SYNJ2BP: variants seen among roughly 807,000 people sequenced by gnomAD.
The protein encoded by SYNJ2BP is synaptojanin-2-binding protein.
SYNJ2BP carries 10 observed loss-of-function variants against 16.9 expected under a neutral mutation model. That is an observed-to-expected ratio of 0.59 (90% CI 0.36 to 1.00). The LOEUF (loss-of-function observed/expected upper bound fraction) is 1.00, where lower values mean the gene tolerates loss of function less well. Ranked by LOEUF, SYNJ2BP falls within the 50% of genes least tolerant of loss-of-function variation. The pLI is 0.01. For missense variants in SYNJ2BP, 162 were observed against 186.7 expected (o/e 0.87, Z 0.77); for synonymous variants, 54 against 68.4 (o/e 0.79, Z 1.04).
At chr14:70,412,697 C>A (rs554919399) in intron 1 of SYNJ2BP, among the ~76,000 whole-genome samples, 1 of 151,514 alleles carries the variant, frequency 6.6e-6, no homozygotes, top group South Asian at 2.1e-4. Context: ...GCCATCAACC[C>A]ATCATCTTTT....
chr14:70,376,339 T>A (rs1174455631), intron 2 of SYNJ2BP, among the ~76,000 whole-genome samples: 2 of 152,270 alleles, frequency 1.3e-5, no homozygotes, highest in African/African-American at 4.8e-5. Context: ...AGTCATTTTT[T>A]AATCAAAACT....
intron 1 of SYNJ2BP, among the ~76,000 whole-genome samples, chr14:70,411,661 C>T (rs80026155): frequency 0.032 from 4,799 of 152,286 alleles, 106 homozygotes; most frequent in Middle Eastern, 0.075. Flanking sequence ...TGACTCTGGC[C>T]CTAGCCTAAA....
At chr14:70,410,981 A>G (rs987404730) in intron 1 of SYNJ2BP, among the ~76,000 whole-genome samples, 7 of 152,162 alleles carry the variant, frequency 4.6e-5, no homozygotes, top group Admixed American at 4.6e-4. Flanking sequence ...TAACAAACCT[A>G]TACATGTACC....
chr14:70,416,317 CTTTTT>C (rs34083947), intron 1 of SYNJ2BP, among the ~76,000 whole-genome samples: 10 of 140,844 alleles, frequency 7.1e-5, no homozygotes, highest in African/African-American at 2.3e-4. Context: ...TTTTTATTTT[CTTTTT>C]TTTTTTTTTT....
intron 2 of SYNJ2BP, among the ~76,000 whole-genome samples, chr14:70,378,002 C>T (rs571660426): frequency 2.0e-4 from 31 of 152,332 alleles, no homozygotes; most frequent in African/African-American, 7.2e-4. Context: ...CTAAAGGTCA[C>T]CAATAACTTC....
intron 1 of SYNJ2BP, among the ~76,000 whole-genome samples, chr14:70,408,173 A>G (rs1459909942): frequency 6.6e-6 from 1 of 151,954 alleles, no homozygotes; most frequent in Non-Finnish European, 1.5e-5. Context: ...TAAGGCATAA[A>G]AGGAGGGAAA....
chr14:70,408,610 T>A (rs1469133263), intron 1 of SYNJ2BP, among the ~76,000 whole-genome samples: 1 of 150,098 alleles, frequency 6.7e-6, no homozygotes, highest in East Asian at 2.0e-4. Context: ...GAGGCAGAGG[T>A]TGCAGTGTGC....
chr14:70,398,896 C>T (rs1054442931), intron 1 of SYNJ2BP, among the ~76,000 whole-genome samples: 6 of 152,142 alleles, frequency 3.9e-5, no homozygotes, highest in African/African-American at 9.7e-5. Context: ...GACTCACTGT[C>T]GCTTGGCTCA....
At chr14:70,413,861 G>A (rs1429722304) in intron 1 of SYNJ2BP, among the ~76,000 whole-genome samples, 2 of 152,144 alleles carry the variant, frequency 1.3e-5, no homozygotes, top group Non-Finnish European at 2.9e-5. Flanking sequence ...AGGGGGAATG[G>A]TACACATGTT....
At chr14:70,394,570 T>C (rs1477415197) in intron 1 of SYNJ2BP, among the ~76,000 whole-genome samples, 1 of 152,048 alleles carries the variant, frequency 6.6e-6, no homozygotes, top group African/African-American at 2.4e-5. Context: ...GGGTGTCTAT[T>C]TTGCAGTCTA....
chr14:70,397,060 C>T (rs1888114928), intron 1 of SYNJ2BP, among the ~76,000 whole-genome samples: 1 of 152,108 alleles, frequency 6.6e-6, no homozygotes, highest in South Asian at 2.1e-4. Flanking sequence ...ATAGCCAAAT[C>T]GAAGGTATTG....
chr14:70,416,656 A>G (rs1888616944), intron 1 of SYNJ2BP, among the ~76,000 whole-genome samples: 1 of 152,230 alleles, frequency 6.6e-6, no homozygotes, highest in African/African-American at 2.4e-5. Flanking sequence ...TTGCACAAAG[A>G]ACCCCTTCTT....
At chr14:70,410,974 C>A (rs1021220611) in intron 1 of SYNJ2BP, among the ~76,000 whole-genome samples, 13 of 152,028 alleles carry the variant, frequency 8.6e-5, no homozygotes, top group Non-Finnish European at 1.9e-4. Flanking sequence ...ACCTATATAA[C>A]AAACCTATAC....
chr14:70,404,198 T>C (rs1594958613), intron 1 of SYNJ2BP, among the ~76,000 whole-genome samples: 2 of 150,978 alleles, frequency 1.3e-5, no homozygotes, highest in East Asian at 3.9e-4. Context: ...TAGCAGGGCA[T>C]GGTGGTGCAC....
intron 2 of SYNJ2BP, among the ~76,000 whole-genome samples, chr14:70,379,556 T>C (rs2140817711): frequency 6.6e-6 from 1 of 152,358 alleles, no homozygotes; most frequent in East Asian, 1.9e-4. Context: ...GGATCAGTCC[T>C]GCTACCTACA....
intron 3 of SYNJ2BP, among the ~76,000 whole-genome samples, chr14:70,373,873 C>A (rs2140805958): frequency 6.6e-6 from 1 of 152,336 alleles, no homozygotes; most frequent in Non-Finnish European, 1.5e-5. Flanking sequence ...CTTTTAGTGG[C>A]TAACTTGCAA....
chr14:70,414,127 A>G (rs1410313116), intron 1 of SYNJ2BP, among the ~76,000 whole-genome samples: 1 of 152,184 alleles, frequency 6.6e-6, no homozygotes, highest in Non-Finnish European at 1.5e-5. Context: ...AGACCCTGAG[A>G]AGAAGAGTAT....
intron 1 of SYNJ2BP, among the ~76,000 whole-genome samples, chr14:70,393,305 G>T (rs897634263): frequency 1.3e-5 from 2 of 152,224 alleles, no homozygotes; most frequent in Non-Finnish European, 2.9e-5. Context: ...GGAAACAACA[G>T]ATGCTGGCGA....
Position 70,379,680 on chromosome 14 carries a change from A to G in SYNJ2BP, c.202-3909T>C, listed in dbSNP as rs1028478980. ...ACTTCAGGATTTCTATAACTATCAC[A>G]ATGAATTCTCAATGACTCAATTTTC... is the stretch of plus-strand genomic sequence containing the variant. On this transcript the variant is annotated intron_variant, in intron 2 of 3. Coordinates refer to ENST00000256366, the MANE Select transcript of SYNJ2BP (RefSeq NM_018373.3). Among the ~76,000 whole-genome samples the G allele has an allele frequency of 1.1e-4, 16 of 152,212 alleles. 1 individual carries two copies. Among genetic ancestry groups the G allele is most frequent in the Admixed American group, 1.0e-3 (16 of 15,280 alleles).
Sources: allele counts gnomAD v4.1 joint callset (sites outside exome capture counted in the v4.1 genomes callset), GRCh38; gene constraint gnomAD v4.1.1; transcripts MANE v1.5; gene names NCBI Gene and HGNC (gene_info 2026-07-23, HGNC 2026-07-21).